The following ATP8B4 variants were observed in gnomAD, a reference collection of about 807,000 sequenced individuals.
ATP8B4 encodes probable phospholipid-transporting ATPase IM.
A neutral mutation model predicts 145.6 loss-of-function variants in ATP8B4; 133 were observed. The observed-to-expected ratio is 0.91, with a 90% CI of 0.79 to 1.05. ATP8B4 has a LOEUF of 1.05. Among genes scored for constraint, ATP8B4 ranks in the 50% least tolerant of loss-of-function variants. The probability of loss-of-function intolerance (pLI) is 0.00; values close to 1 mark genes in which losing one functional copy is unlikely to be tolerated. For synonymous variants in ATP8B4, 507 were observed against 492.9 expected (o/e 1.03, Z -0.38); for missense variants, 1,458 against 1,425.2 (o/e 1.02, Z -0.37).
At chr15:49,887,848 T>C (rs1174460994) in intron 23 of ATP8B4, among the ~76,000 whole-genome samples, 1 of 152,240 alleles carries the variant, frequency 6.6e-6, no homozygotes, top group Non-Finnish European at 1.5e-5. Context: ...ACAAAACCTA[T>C]GATTTATAGA....
At chr15:49,916,352 G>A (rs1241825806) in intron 20 of ATP8B4, among the ~76,000 whole-genome samples, 2 of 152,196 alleles carry the variant, frequency 1.3e-5, no homozygotes, top group East Asian at 3.9e-4. Flanking sequence ...AAATCTCACA[G>A]TATTTTATTT....
At chr15:49,916,183 A>T (rs2039720825) in intron 20 of ATP8B4, among the ~76,000 whole-genome samples, 1 of 152,096 alleles carries the variant, frequency 6.6e-6, no homozygotes, top group Non-Finnish European at 1.5e-5. Flanking sequence ...ATTTTTGTAG[A>T]TTTTTAAACG....
rs564363180 is a variant in ATP8B4, at chr15:49,995,091, T to C, written c.589+1586A>G. On this transcript the variant is annotated intron_variant, in intron 9 of 27. Coordinates refer to ENST00000284509, the MANE Select transcript of ATP8B4 (RefSeq NM_024837.4). Reference sequence around the variant, plus strand: ...ATGCCACTAAGATTGCAGGGCTGTTTATAACTGCATCATAGTGTAGCCTAT... The same window carrying C: ...ATGCCACTAAGATTGCAGGGCTGTTCATAACTGCATCATAGTGTAGCCTAT... Among the ~76,000 whole-genome samples the C allele has an allele frequency of 2.0e-5, 3 of 152,250 alleles. No individual in the cohort carries two copies. In the South Asian group the frequency reaches 6.2e-4, roughly 32 times the overall value.
intron 14 of ATP8B4, among the ~76,000 whole-genome samples, chr15:49,943,612 C>T (rs993751720): frequency 6.6e-6 from 1 of 152,078 alleles, no homozygotes; most frequent in South Asian, 2.1e-4. Context: ...GAATAACAGA[C>T]CCAGCTAAAC....
intron 10 of ATP8B4, among the ~76,000 whole-genome samples, chr15:49,983,084 C>T (rs2046295750): frequency 6.6e-6 from 1 of 152,160 alleles, no homozygotes; most frequent in African/African-American, 2.4e-5. Flanking sequence ...CATAGGTCAC[C>T]TTATCTTCTT....
intron 19 of ATP8B4, among the ~76,000 whole-genome samples, chr15:49,918,491 T>G (rs914049023): frequency 6.6e-6 from 1 of 152,188 alleles, no homozygotes; most frequent in African/African-American, 2.4e-5. Flanking sequence ...ATATCCTGCT[T>G]TAGTTCTGTG....
At chr15:50,158,584 A>G (rs1289122279) in intron 1 of ATP8B4, among the ~76,000 whole-genome samples, 1 of 151,386 alleles carries the variant, frequency 6.6e-6, no homozygotes, top group African/African-American at 2.4e-5. Context: ...CTGCCCGGCC[A>G]CCACCCCGTC....
chr15:49,979,618 T>C lies in ATP8B4; in HGVS notation c.1033A>G (p.Ser345Gly). 6.8e-7 allele frequency: 1 copy of C among 1,462,458 alleles called. No homozygotes were observed. Among genetic ancestry groups the C allele is most frequent in the Non-Finnish European group, 9.2e-7 (1 of 1,085,166 alleles). The allele number at this position is 1,462,458 out of a possible 1,614,324, so 90.6% of individuals were successfully genotyped here. A position where few individuals can be genotyped will look rare whatever the true frequency, so the allele number is the denominator to read the frequency against. ...TTAAAATATAAACTCTCATCTTACC[T>C]CACATATAAGGAAATGGGTACAACT... ...NTVVPISLYV[S>G]VEVIRLGHSY... The change falls in exon 12 of 28, where the codon AGT (serine) becomes GGT (glycine). Residue 345 changes from serine to glycine, a missense_variant and splice_region_variant. By Grantham distance (56) the Ser-to-Gly change is moderately conservative (BLOSUM62 0). Coordinates refer to ENST00000284509, the MANE Select transcript of ATP8B4 (RefSeq NM_024837.4).
At chr15:49,987,700 G>T (rs2046736101) in intron 9 of ATP8B4, 151 bp from the exon 10 acceptor site, 2 of 790,832 alleles carry the variant, frequency 2.5e-6, no homozygotes, top group Non-Finnish European at 3.7e-6. Context: ...TAAGCTGGGA[G>T]GTAGAAAAAT....
chr15:49,979,888 A>G (rs8034382), intron 11 of ATP8B4, 75 bp from the exon 12 acceptor site: 326,532 of 1,026,604 alleles, frequency 0.32, 56,236 homozygotes, highest in African/African-American at 0.65. Context: ...CTAATTACGC[A>G]TCTAACTCCA....
chr15:50,072,017 TATTA>T (rs2053769765), intron 3 of ATP8B4, among the ~76,000 whole-genome samples: 1 of 120,564 alleles, frequency 8.3e-6, no homozygotes. Flanking sequence ...CTCTCCTAAA[TATTA>T]ATAAATATTA....
chr15:49,973,778 A>C (rs927211646), intron 12 of ATP8B4, among the ~76,000 whole-genome samples: 2 of 152,206 alleles, frequency 1.3e-5, no homozygotes, highest in African/African-American at 4.8e-5. Flanking sequence ...CTAATTTCCA[A>C]AAACGTCATA....
At chr15:50,136,187 G>A (rs2044119515) in intron 1 of ATP8B4, among the ~76,000 whole-genome samples, 2 of 152,114 alleles carry the variant, frequency 1.3e-5, no homozygotes, top group Non-Finnish European at 2.9e-5. Flanking sequence ...CCGTGTGTCT[G>A]GCACTCAGGG....
intron 1 of ATP8B4, among the ~76,000 whole-genome samples, chr15:50,153,287 C>T (rs1357537561): frequency 4.6e-5 from 7 of 151,390 alleles, no homozygotes; most frequent in African/African-American, 1.7e-4. Flanking sequence ...GTTACAGAAG[C>T]TGACAAAAAA....
upstream of ATP8B4, among the ~76,000 whole-genome samples, chr15:50,120,930 C>G (rs1772508368): frequency 6.6e-6 from 1 of 152,098 alleles, no homozygotes; most frequent in African/African-American, 2.4e-5. Flanking sequence ...CATTATAGAA[C>G]TTACCTCATA....
chr15:49,929,399 CTG>C (rs965046911), intron 16 of ATP8B4, among the ~76,000 whole-genome samples: 13 of 152,020 alleles, frequency 8.6e-5, no homozygotes, highest in African/African-American at 3.1e-4. Context: ...AGAGAGGTAA[CTG>C]TGAATTTTAA....
chr15:50,045,606 T>A (rs1035395427), intron 4 of ATP8B4, among the ~76,000 whole-genome samples: 13 of 152,222 alleles, frequency 8.5e-5, no homozygotes, highest in Admixed American at 3.9e-4. Flanking sequence ...TAAGATTTTT[T>A]AAAAAAAACT....
At chr15:49,996,529 C>T (rs992902839) in intron 9 of ATP8B4, 148 bp downstream of exon 9, 13 of 592,154 alleles carry the variant, frequency 2.2e-5, no homozygotes, top group African/African-American at 9.2e-5. Context: ...CTCTTTTTAG[C>T]GTGCGAAGAA....
chr15:50,077,995 C>G (rs1291742394), intron 2 of ATP8B4, among the ~76,000 whole-genome samples: 1 of 152,082 alleles, frequency 6.6e-6, no homozygotes, highest in African/African-American at 2.4e-5. Flanking sequence ...ACTAATCTAT[C>G]TAGTCCTTTA....
Sources: gnomAD v4.1 joint callset for allele counts (sites outside exome capture counted in the v4.1 genomes callset) on GRCh38, gnomAD v4.1.1 for gene constraint, MANE v1.5 for transcripts, NCBI Gene and HGNC (gene_info 2026-07-23, HGNC 2026-07-21) for gene names.